MGAT5: variants seen among roughly 807,000 people sequenced by gnomAD.
MGAT5 encodes alpha-1,6-mannosylglycoprotein 6-beta-N-acetylglucosaminyltransferase A.
A neutral mutation model predicts 94.3 loss-of-function variants in MGAT5; 30 were observed. That is an observed-to-expected ratio of 0.32 (90% CI 0.24 to 0.43). MGAT5 has a LOEUF of 0.43. Ranked by LOEUF, MGAT5 falls within the 20% of genes least tolerant of loss-of-function variation. The probability of loss-of-function intolerance (pLI) is 1.00; values close to 1 mark genes in which losing one functional copy is unlikely to be tolerated. For synonymous variants in MGAT5, 310 were observed against 322.9 expected (o/e 0.96, Z 0.43); for missense variants, 691 against 905.5 (o/e 0.76, Z 3.04).
chr2:134,245,032 A>G (rs1224796329), intron 1 of MGAT5, among the ~76,000 whole-genome samples: 1 of 152,166 alleles, frequency 6.6e-6, no homozygotes, highest in Non-Finnish European at 1.5e-5. Flanking sequence ...ATTATTTTTG[A>G]GGCAGCGTCT....
intron 2 of MGAT5, among the ~76,000 whole-genome samples, chr2:134,292,751 C>T (rs1248150815): frequency 1.3e-5 from 2 of 152,190 alleles, no homozygotes; most frequent in Admixed American, 1.3e-4. Context: ...GGTGTTAACA[C>T]TCCGAGCAAG....
chr2:134,376,511 C>T (rs1233339779), intron 10 of MGAT5, among the ~76,000 whole-genome samples: 1 of 152,158 alleles, frequency 6.6e-6, no homozygotes, highest in East Asian at 1.9e-4. Context: ...ATGTAAGTAA[C>T]AACTTGAAGG....
At chr2:134,375,497 A>C (rs1681112019) in intron 10 of MGAT5, among the ~76,000 whole-genome samples, 1 of 152,240 alleles carries the variant, frequency 6.6e-6, no homozygotes, top group Non-Finnish European at 1.5e-5. Flanking sequence ...CTTTGTTCCA[A>C]AACAAGTGAA....
intron 1 of MGAT5, among the ~76,000 whole-genome samples, chr2:134,160,424 G>A (rs960143546): frequency 5.3e-5 from 8 of 152,158 alleles, no homozygotes; most frequent in South Asian, 2.1e-4. Context: ...CGCCTGCCTC[G>A]GCCTCCCAAA....
intron 12 of MGAT5, among the ~76,000 whole-genome samples, chr2:134,420,513 C>G (rs1000713348): frequency 2.3e-4 from 35 of 152,164 alleles, no homozygotes; most frequent in Non-Finnish European, 4.6e-4. Context: ...GTCGGGCTTC[C>G]TGCCTTGAAT....
intron 1 of MGAT5, among the ~76,000 whole-genome samples, chr2:134,213,628 G>A (rs907675139): frequency 1.3e-5 from 2 of 152,162 alleles, no homozygotes; most frequent in African/African-American, 4.8e-5. Flanking sequence ...TGTATATTGA[G>A]GGGTTCCTAC....
At chr2:134,373,582 G>C (rs1014139104) in intron 10 of MGAT5, among the ~76,000 whole-genome samples, 1 of 152,174 alleles carries the variant, frequency 6.6e-6, no homozygotes, top group Non-Finnish European at 1.5e-5. Context: ...TAGATTTCTA[G>C]GCATAGTCCA....
chr2:134,413,237 C>T lies in MGAT5; in HGVS notation c.1677+222C>T, dbSNP rs546369775. Among the ~76,000 whole-genome samples, 66 of 152,286 alleles carry T rather than the reference C, an allele frequency of 4.3e-4. 1 individual carries two copies. Among genetic ancestry groups the T allele is most frequent in the Non-Finnish European group, 6.9e-4 (47 of 68,012 alleles). Reference sequence around the variant, plus strand: ...GTAAGGGATCTTGACACTCTACCCCCACTCTAGCTTACTGTAAACTCAGAC... The same window carrying T: ...GTAAGGGATCTTGACACTCTACCCCTACTCTAGCTTACTGTAAACTCAGAC... On this transcript the variant is annotated intron_variant, in intron 12 of 15. Transcript: ENST00000281923.
At chr2:134,240,081 C>A (rs1681889361) in intron 1 of MGAT5, among the ~76,000 whole-genome samples, 2 of 152,134 alleles carry the variant, frequency 1.3e-5, no homozygotes, top group Non-Finnish European at 2.9e-5. Context: ...CCAAAGTCTT[C>A]ATGGATACAT....
chr2:134,159,446 C>T (rs1050982845), intron 1 of MGAT5, among the ~76,000 whole-genome samples: 14 of 152,154 alleles, frequency 9.2e-5, no homozygotes, highest in Non-Finnish European at 1.8e-4. Context: ...AGAGTTAAGA[C>T]GGTTGTGTTT....
intron 9 of MGAT5, among the ~76,000 whole-genome samples, chr2:134,351,160 A>G (rs1679357086): frequency 6.6e-6 from 1 of 152,168 alleles, no homozygotes; most frequent in African/African-American, 2.4e-5. Context: ...CATAAACATT[A>G]TTGTTCATGG....
intron 12 of MGAT5, among the ~76,000 whole-genome samples, chr2:134,421,417 C>G (rs1684282822): frequency 6.6e-6 from 1 of 151,772 alleles, no homozygotes; most frequent in African/African-American, 2.4e-5. Context: ...AACCCCATCT[C>G]TACTAAAAAT....
At chr2:134,335,603 A>AG (rs1467505363) in intron 4 of MGAT5, among the ~76,000 whole-genome samples, 1 of 151,752 alleles carries the variant, frequency 6.6e-6, no homozygotes, top group African/African-American at 2.4e-5. Flanking sequence ...AAGATCATCA[A>AG]GGTTTTTTTT....
At chr2:134,326,506 A>T (rs1687657363) in intron 4 of MGAT5, among the ~76,000 whole-genome samples, 2 of 151,942 alleles carry the variant, frequency 1.3e-5, no homozygotes, top group African/African-American at 4.8e-5. Flanking sequence ...TGGAACCAGC[A>T]TCTCTAAGAA....
At chr2:134,129,872 A>T (rs1573709058) in intron 1 of MGAT5, among the ~76,000 whole-genome samples, 1 of 152,124 alleles carries the variant, frequency 6.6e-6, no homozygotes, top group Non-Finnish European at 1.5e-5. Flanking sequence ...CCGCCGCTGC[A>T]CTGTGGGAGC....
chr2:134,416,997 AATAT>A lies in MGAT5; in HGVS notation c.1677+3990_1677+3993del, dbSNP rs370910399. Among the ~76,000 whole-genome samples the A allele has an allele frequency of 2.2e-4, 34 of 151,904 alleles. 2 individuals carry two copies. In the South Asian group the frequency reaches 7.1e-3, roughly 32 times the overall value. On this transcript the variant is annotated intron_variant, in intron 12 of 15. Transcript: ENST00000281923. ...TTTCTTAAGGCTGAATATTCCATTG[AATAT>A]ATATATAAATCATTTTGTTTATTCA...
chr2:134,205,612 T>G (rs1679990675), intron 1 of MGAT5, among the ~76,000 whole-genome samples: 2 of 152,104 alleles, frequency 1.3e-5, no homozygotes, highest in Admixed American at 1.3e-4. Flanking sequence ...AACACTGAAG[T>G]GGAGCTCATG....
At chr2:134,369,215 G>GT (rs1680628421) in intron 10 of MGAT5, among the ~76,000 whole-genome samples, 2 of 152,172 alleles carry the variant, frequency 1.3e-5, no homozygotes, top group African/African-American at 4.8e-5. Flanking sequence ...ATACAACTTG[G>GT]AATGCCTTCT....
chr2:134,155,225 C>G (rs1687420752), intron 1 of MGAT5, among the ~76,000 whole-genome samples: 1 of 152,244 alleles, frequency 6.6e-6, no homozygotes, highest in Non-Finnish European at 1.5e-5. Context: ...CACCCTGGCC[C>G]AGGCTCCTGC....
Sources: gnomAD v4.1 joint callset for allele counts (sites outside exome capture counted in the v4.1 genomes callset) on GRCh38, gnomAD v4.1.1 for gene constraint, MANE v1.5 for transcripts, NCBI Gene and HGNC (gene_info 2026-07-23, HGNC 2026-07-21) for gene names.